Variants in ADD3 observed in about 807,000 individuals in gnomAD.
ADD3 encodes gamma-adducin.
A neutral mutation model predicts 80.2 loss-of-function variants in ADD3; 25 were observed. The ratio of observed to expected loss-of-function variants is 0.31; its 90% CI spans 0.23 to 0.44. The LOEUF is 0.44. Ranked by LOEUF, ADD3 falls within the 20% of genes least tolerant of loss-of-function variation. ADD3 has a pLI of 1.00. For synonymous variants in ADD3, 284 were observed against 289.6 expected (o/e 0.98, Z 0.20); for missense variants, 829 against 847.5 (o/e 0.98, Z 0.27).
chr10:110,043,229 G>A (rs1856565274), intron 1 of ADD3, among the ~76,000 whole-genome samples: 1 of 152,186 alleles, frequency 6.6e-6, no homozygotes, highest in Non-Finnish European at 1.5e-5. Flanking sequence ...TCTTCCAAAT[G>A]AGTATTTCTT....
chr10:109,997,918 G>A (rs1162103695), intron 1 of ADD3, among the ~76,000 whole-genome samples: 1 of 152,116 alleles, frequency 6.6e-6, no homozygotes. Flanking sequence ...CTAAATCCGG[G>A]CGGTTTTCAT....
intron 1 of ADD3, among the ~76,000 whole-genome samples, chr10:110,043,372 ACTTT>A (rs1856580862): frequency 6.6e-6 from 1 of 152,136 alleles, no homozygotes; most frequent in African/African-American, 2.4e-5. Context: ...TTTTTGTATG[ACTTT>A]CTATCTTTAC....
chr10:110,008,259 A>G lies in ADD3; in HGVS notation c.-70A>G, dbSNP rs1851865376. The G allele has an allele frequency of 6.6e-6, 1 of 152,044 alleles. No homozygotes were observed. The highest frequency in any genetic ancestry group is 6.5e-5 in the Admixed American group (1 of 15,278). 9.4% of individuals were successfully genotyped at this position (152,044 alleles called of 1,614,324 possible). On this transcript the variant is annotated 5_prime_UTR_variant, in exon 1 of 15. Transcript: ENST00000356080. ...TGCTGCAGCCCGGGCGGCTGCCGAG[A>G]AGGAGGGAGGGGAAACACAAAGCCG...
At chr10:110,009,498 T>C (rs1006467681) in intron 1 of ADD3, among the ~76,000 whole-genome samples, 4 of 152,194 alleles carry the variant, frequency 2.6e-5, no homozygotes, top group African/African-American at 7.2e-5. Context: ...AAAATATTTG[T>C]GTAATTAAGT....
At chr10:110,088,008 C>T (rs375173019) in intron 1 of ADD3, among the ~76,000 whole-genome samples, 5 of 152,238 alleles carry the variant, frequency 3.3e-5, no homozygotes, top group South Asian at 2.1e-4. Flanking sequence ...TGTGCTGCAT[C>T]GGTTCAATCT....
At chr10:110,102,701 G>T (rs1590130822) in intron 2 of ADD3, among the ~76,000 whole-genome samples, 1 of 152,158 alleles carries the variant, frequency 6.6e-6, no homozygotes, top group Non-Finnish European at 1.5e-5. Flanking sequence ...TTTGGTTAAG[G>T]TTGTTAAATA....
At chr10:110,031,764 CTT>C (rs1370972818) in intron 1 of ADD3, among the ~76,000 whole-genome samples, 1 of 151,022 alleles carries the variant, frequency 6.6e-6, no homozygotes, top group Non-Finnish European at 1.5e-5. Flanking sequence ...TTTTAAGTAA[CTT>C]TTAAAAATTG....
chr10:110,135,475 C>T lies in ADD3; in HGVS notation c.*1857C>T, dbSNP rs1853533688. 1 of 152,498 alleles carries T rather than the reference C, an allele frequency of 6.6e-6. No homozygotes were observed. Among genetic ancestry groups the T allele is most frequent in the African/African-American group, 2.4e-5 (1 of 41,392 alleles). 9.4% of individuals were successfully genotyped at this position (152,498 alleles called of 1,614,324 possible). On this transcript the variant is annotated 3_prime_UTR_variant, in exon 15 of 15. Coordinates refer to ENST00000356080, the MANE Select transcript of ADD3 (RefSeq NM_016824.5). ...GAATGAGCCAATGAACCTCTGTGTC[C>T]TGTGGAAAAATGTATAAATGTTATC... is the stretch of plus-strand genomic sequence containing the variant.
chr10:110,000,448 C>T (rs554113137), intron 1 of ADD3, among the ~76,000 whole-genome samples: 51 of 152,298 alleles, frequency 3.3e-4, no homozygotes, highest in Non-Finnish European at 5.6e-4. Flanking sequence ...AGTGTGCTGA[C>T]GCAACCTGTC....
upstream of ADD3, among the ~76,000 whole-genome samples, chr10:110,007,002 GAA>G (rs148204009): frequency 3.6e-3 from 550 of 152,190 alleles, 2 homozygotes; most frequent in African/African-American, 0.012. Context: ...GGGTGGCAGA[GAA>G]AAGTGTGCAC....
chr10:110,066,262 G>C (rs930547763), intron 1 of ADD3, among the ~76,000 whole-genome samples: 1 of 152,018 alleles, frequency 6.6e-6, no homozygotes, highest in Non-Finnish European at 1.5e-5. Context: ...GTTTGTTTTT[G>C]AGAGTCTCTC....
At chr10:110,027,916 G>T (rs865863089) in intron 1 of ADD3, among the ~76,000 whole-genome samples, 1 of 152,210 alleles carries the variant, frequency 6.6e-6, no homozygotes, top group Non-Finnish European at 1.5e-5. Flanking sequence ...AGGTTCAGTT[G>T]GTTATGCTTA....
At position 110,126,420 on chromosome 10, in the gene ADD3, C is replaced by T. The variant is rs769868651; in HGVS notation, c.1525C>T (p.Arg509Trp). The T allele has an allele frequency of 8.1e-6, 13 of 1,612,598 alleles. 1 individual carries two copies. Among genetic ancestry groups the T allele is most frequent in the East Asian group, 4.5e-5 (2 of 44,836 alleles). The change falls in exon 12 of 15, where the codon CGG becomes TGG. Residue 509 changes from arginine (R) to tryptophan (W), a missense_variant. Transcript: ENST00000356080. ...NEVLEKRNKI[R>W]EQNRYDLKTA... Reference sequence around the variant, plus strand: ...ATTGAATTGTTTTTCAATTCAGATTCGGGAACAAAATCGATATGACTTGAA... The same window carrying T: ...ATTGAATTGTTTTTCAATTCAGATTTGGGAACAAAATCGATATGACTTGAA...
chr10:110,043,982 G>A (rs1856647094), intron 1 of ADD3, among the ~76,000 whole-genome samples: 1 of 152,202 alleles, frequency 6.6e-6, no homozygotes, highest in Admixed American at 6.5e-5. Context: ...GCTGAGGTGG[G>A]CGGATCACGA....
rs11194991 is a variant in ADD3, at chr10:110,120,974, C to A, written c.961-1136C>A. Among the ~76,000 whole-genome samples, 618 of 151,828 alleles carry A rather than the reference C, an allele frequency of 4.1e-3. 7 individuals are homozygous for A. Among genetic ancestry groups the A allele is most frequent in the African/African-American group, 0.014 (568 of 41,328 alleles). ...GTAGAAAGCTGAAACTGGATCCCTT[C>A]CTTACACCTTATACAAAAATCAATT... is the stretch of plus-strand genomic sequence containing the variant. On this transcript the variant is annotated intron_variant, in intron 8 of 14. Transcript: ENST00000356080.
At chr10:110,005,081 G>T (rs12243897), upstream of ADD3, among the ~76,000 whole-genome samples, 13,444 of 149,758 alleles carry the variant, frequency 0.09, 1,900 homozygotes, top group African/African-American at 0.31. Context: ...ATTTTTTTTT[G>T]AGATGGAGTC....
rs946103991 is a variant in ADD3 at position 110,015,835 on chromosome 10, G to A, written c.-30+7536G>A. 6.6e-5 allele frequency among the ~76,000 whole-genome samples: 10 copies of A among 152,082 alleles called. No homozygotes were observed. The East Asian group carries it at 7.7e-4, about 12-fold the overall frequency. ...AGCTAAATACCTTAGTAAAACATGC[G>A]ATAGACAAGGGTCCGGTCACTAGCC... On this transcript the variant is annotated intron_variant, in intron 1 of 14. Coordinates refer to ENST00000356080, the MANE Select transcript of ADD3 (RefSeq NM_016824.5).
At chr10:110,019,867 T>C (rs1853465552) in intron 1 of ADD3, among the ~76,000 whole-genome samples, 1 of 152,152 alleles carries the variant, frequency 6.6e-6, no homozygotes, top group African/African-American at 2.4e-5. Flanking sequence ...GGTCCTTGGC[T>C]CTATGTATAT....
intron 1 of ADD3, among the ~76,000 whole-genome samples, chr10:110,061,355 T>C (rs1382929565): frequency 6.6e-6 from 1 of 152,124 alleles, no homozygotes; most frequent in Non-Finnish European, 1.5e-5. Context: ...TTGTCAGTCT[T>C]TTTTTTGGGT....
Sources: gnomAD v4.1 joint callset for allele counts (sites outside exome capture counted in the v4.1 genomes callset) on GRCh38, gnomAD v4.1.1 for gene constraint, MANE v1.5 for transcripts, NCBI Gene and HGNC (gene_info 2026-07-23, HGNC 2026-07-21) for gene names.